PAK6: variants seen among roughly 807,000 people sequenced by gnomAD.
PAK6 encodes serine/threonine-protein kinase PAK 6.
A neutral mutation model predicts 60.8 loss-of-function variants in PAK6; 33 were observed. The observed-to-expected ratio is 0.54, with a 90% CI of 0.41 to 0.73. The LOEUF (loss-of-function observed/expected upper bound fraction) is 0.73, where lower values mean the gene tolerates loss of function less well. Ranked by LOEUF, PAK6 falls within the 30% of genes least tolerant of loss-of-function variation. The pLI is 0.00. For missense variants in PAK6, 845 were observed against 904.1 expected, an observed-to-expected ratio of 0.93 and a Z score of 0.84; for synonymous variants, 404 against 378.5, an observed-to-expected ratio of 1.07 and a Z score of -0.78.
chr15:40,275,282 T>TTTTTTTTTTTTGTTTG, intron 10 of PAK6, among the ~76,000 whole-genome samples: 1 of 95,124 alleles, frequency 1.1e-5, no homozygotes, highest in Non-Finnish European at 2.1e-5. Context: ...TGTTGTTGGT[T>TTTTTTTTTTTTGTTTG]TTTTTTTTTT....
chr15:40,259,692 CAGG>C (rs1399615112), intron 3 of PAK6: 1 of 137,530 alleles, frequency 7.3e-6, no homozygotes, highest in Non-Finnish European at 1.5e-5. Flanking sequence ...GAGGCTGAGG[CAGG>C]AGAATCACTT....
At chr15:40,262,433 G>C (rs2039007356) in intron 3 of PAK6, among the ~76,000 whole-genome samples, 1 of 152,204 alleles carries the variant, frequency 6.6e-6, no homozygotes, top group Non-Finnish European at 1.5e-5. Context: ...GAACCCGGGA[G>C]GTGGAGGTTG....
chr15:40,266,060 C>T (rs774715577), exon 5 of PAK6: 16 of 1,609,582 alleles, frequency 9.9e-6, no homozygotes, highest in African/African-American at 5.3e-5. Flanking sequence ...CTGACCCCCA[C>T]GGCCTCTACC....
intron 2 of PAK6, among the ~76,000 whole-genome samples, chr15:40,244,072 C>T (rs893758152): frequency 2.6e-5 from 4 of 152,316 alleles, no homozygotes; most frequent in Admixed American, 2.0e-4. Flanking sequence ...TGGCTCACGC[C>T]TGTAATCCCA....
chr15:40,276,081 C>T (rs1256719444), exon 11 of PAK6: 1 of 1,613,772 alleles, frequency 6.2e-7, no homozygotes, highest in South Asian at 1.1e-5. Context: ...CGAAAGCAGA[C>T]CTCCACCTGC....
At chr15:40,253,720 A>G (rs2038756135) in intron 3 of PAK6, among the ~76,000 whole-genome samples, 1 of 152,208 alleles carries the variant, frequency 6.6e-6, no homozygotes, top group Non-Finnish European at 1.5e-5. Flanking sequence ...TTACAGGTGA[A>G]GCTGCCGCTC....
intron 4 of PAK6, 31 bp downstream of exon 4, chr15:40,265,020 C>T (rs1473129139): frequency 1.3e-6 from 2 of 1,596,048 alleles, no homozygotes; most frequent in East Asian, 2.2e-5. Context: ...TGAGGTTCAG[C>T]CTCTCCCAGT....
At position 40,273,965 on chromosome 15, in the gene PAK6, G is replaced by C. The variant is rs1029475165; in HGVS notation, c.1744-177G>C. ...ACTGACAGCTGTGTCCCTATAGGCA[G>C]TGGTCACTCATGCAGGCAGTAACTG... is the stretch of plus-strand genomic sequence containing the variant. On this transcript the variant is annotated intron_variant, in intron 9 of 10. Coordinates refer to ENST00000560346, the Ensembl canonical transcript of PAK6. 38 of 748,232 alleles carry C rather than the reference G, an allele frequency of 5.1e-5. No individual in the cohort carries two copies. The East Asian group carries it at 9.3e-4, about 18-fold the overall frequency. 46.3% of individuals were successfully genotyped at this position (748,232 alleles called of 1,614,324 possible).
chr15:40,249,296 G>C (rs919524424), intron 2 of PAK6, among the ~76,000 whole-genome samples: 2 of 147,000 alleles, frequency 1.4e-5, no homozygotes, highest in African/African-American at 5.5e-5. Context: ...GGGGGACATA[G>C]GTTTCAACAG....
chr15:40,248,364 T>G (rs2038554718), intron 2 of PAK6, among the ~76,000 whole-genome samples: 6 of 152,050 alleles, frequency 3.9e-5, no homozygotes, highest in Admixed American at 3.9e-4. Context: ...AGGAAGGGAT[T>G]TTCTCCCAAG....
At chr15:40,247,821 T>TG (rs1465226230) in intron 2 of PAK6, among the ~76,000 whole-genome samples, 2 of 152,198 alleles carry the variant, frequency 1.3e-5, no homozygotes, top group African/African-American at 4.8e-5. Context: ...TAGTAGCAAG[T>TG]GGTAGCCTTG....
chr15:40,271,112 A>G (rs1272457742), intron 5 of PAK6, among the ~76,000 whole-genome samples: 1 of 152,200 alleles, frequency 6.6e-6, no homozygotes, highest in East Asian at 1.9e-4. Context: ...AGAAGTTCCT[A>G]GAAGGCTTTT....
exon 5 of PAK6, chr15:40,266,086 G>A (rs951923899): frequency 1.2e-5 from 20 of 1,609,878 alleles, no homozygotes; most frequent in Non-Finnish European, 1.7e-5. Context: ...TGCAACGGGG[G>A]CACACCAGCA....
chr15:40,252,984 G>A, intron 2 of PAK6, 194 bp from the exon 3 acceptor site: 1 of 537,006 alleles, frequency 1.9e-6, no homozygotes, highest in Non-Finnish European at 2.8e-6. Flanking sequence ...CGCCCCGGAA[G>A]CGGTGCTGCG....
At chr15:40,253,727 G>A (rs1485895989) in intron 3 of PAK6, among the ~76,000 whole-genome samples, 1 of 152,162 alleles carries the variant, frequency 6.6e-6, no homozygotes, top group African/African-American at 2.4e-5. Flanking sequence ...TGAAGCTGCC[G>A]CTCCACACAT....
chr15:40,253,023 C>G (rs1363835271), intron 2 of PAK6, 155 bp from the exon 3 acceptor site: 3 of 408,454 alleles, frequency 7.3e-6, no homozygotes, highest in South Asian at 6.0e-5. Context: ...CCGTAAGCCC[C>G]GCAAGGAGCC....
At chr15:40,261,079 G>A (rs185108538) in intron 3 of PAK6, among the ~76,000 whole-genome samples, 81 of 151,744 alleles carry the variant, frequency 5.3e-4, no homozygotes, top group Middle Eastern at 6.8e-3. Flanking sequence ...TAGTAGAGAC[G>A]GGGTTTCACC....
chr15:40,276,789 T>TGTGTGTGTGTGTG (rs67205800), exon 11 of PAK6: 1 of 146,162 alleles, frequency 6.8e-6, no homozygotes, highest in African/African-American at 2.6e-5. Context: ...TGTGTGTGTG[T>TGTGTGTGTGTGTG]AAGGGGAGGA....
At chr15:40,239,087 C>G (rs2038243993), upstream of PAK6, 1 of 152,264 alleles carries the variant, frequency 6.6e-6, no homozygotes, top group South Asian at 2.1e-4. Context: ...CAGCTCGGCG[C>G]CCCAAACGAG....
Sources: allele counts gnomAD v4.1 joint callset (sites outside exome capture counted in the v4.1 genomes callset), GRCh38; gene constraint gnomAD v4.1.1; transcripts MANE v1.5; gene names NCBI Gene and HGNC (gene_info 2026-07-23, HGNC 2026-07-21).